Variants in DDX46 observed in about 807,000 individuals in gnomAD.
The protein encoded by DDX46 is DEAD-box helicase 46.
A neutral mutation model predicts 134.9 loss-of-function variants in DDX46; 30 were observed. That is an observed-to-expected ratio of 0.22 (90% confidence interval 0.17 to 0.30). The LOEUF (loss-of-function observed/expected upper bound fraction) is 0.30, where lower values mean the gene tolerates loss of function less well. Ranked by LOEUF, DDX46 falls within the 10% of genes least tolerant of loss-of-function variation. The pLI is 1.00. For synonymous variants in DDX46, 415 were observed against 404.1 expected (o/e 1.03, Z -0.32); for missense variants, 622 against 1,248.7 (o/e 0.50, Z 7.56).
intron 6 of DDX46, among the ~76,000 whole-genome samples, chr5:134,779,117 G>A (rs1248366034): frequency 1.1e-4 from 17 of 151,996 alleles, no homozygotes; most frequent in Non-Finnish European, 1.9e-4. Context: ...GGCTGGTCTC[G>A]AACTCCTGAC....
intron 3 of DDX46, among the ~76,000 whole-genome samples, chr5:134,768,292 A>G (rs1409915590): frequency 6.6e-6 from 1 of 151,486 alleles, no homozygotes; most frequent in Non-Finnish European, 1.5e-5. Context: ...TGTATTTTTT[A>G]GTAGAGATGG....
chr5:134,770,235 G>T (rs1448263031), intron 3 of DDX46, among the ~76,000 whole-genome samples: 2 of 146,472 alleles, frequency 1.4e-5, no homozygotes, highest in Non-Finnish European at 3.0e-5. Flanking sequence ...AAAAGAGACA[G>T]GGTCTCACTT....
chr5:134,790,883 A>G (rs190496965), intron 13 of DDX46, among the ~76,000 whole-genome samples: 1 of 152,030 alleles, frequency 6.6e-6, no homozygotes. Context: ...AGTGCAGTGG[A>G]GAACGATCAC....
rs899267488 is a variant in DDX46 at position 134,830,397 on chromosome 5, G to A, written c.*1691G>A. On this transcript the variant is annotated 3_prime_UTR_variant, in exon 23 of 23. Coordinates refer to ENST00000452510, the MANE Select transcript of DDX46 (RefSeq NM_001300860.2). ...CCATGGATTTTGGTATAGAGGAGGG[G>A]TTTAAGGGGTGTCCTGCAATCAGTC... 3.3e-5 allele frequency: 5 copies of A among 152,066 alleles called. No individual in the cohort carries two copies. Among genetic ancestry groups the A allele is most frequent in the Non-Finnish European group, 7.4e-5 (5 of 68,010 alleles). The allele number at this position is 152,066 out of a possible 1,614,324, so 9.4% of individuals were successfully genotyped here. A position where few individuals can be genotyped will look rare whatever the true frequency, so the allele number is the denominator to read the frequency against.
intron 1 of DDX46, among the ~76,000 whole-genome samples, chr5:134,760,062 G>C (rs1245288430): frequency 1.3e-5 from 2 of 152,154 alleles, no homozygotes; most frequent in Non-Finnish European, 2.9e-5. Flanking sequence ...TCTCTGAATT[G>C]ATTGTCTTCC....
chr5:134,758,815 CTGT>C lies in DDX46; in HGVS notation c.-123_-121del. Reference sequence around the variant, plus strand: ...GGCCGCGCTGGGATGGCCGCCACAGCTGTAGGTGCTGCTAGTGTTTAGCGCTGG... The same window carrying C: ...GGCCGCGCTGGGATGGCCGCCACAGCAGGTGCTGCTAGTGTTTAGCGCTGG... On this transcript the variant is annotated 5_prime_UTR_variant, in exon 1 of 23. Coordinates refer to ENST00000452510, the MANE Select transcript of DDX46 (RefSeq NM_001300860.2). The C allele has an allele frequency of 6.8e-7, 1 of 1,469,274 alleles. No individual in the cohort carries two copies. 91.0% of individuals were successfully genotyped at this position (1,469,274 alleles called of 1,614,324 possible). A position where few individuals can be genotyped will look rare whatever the true frequency, so the allele number is the denominator to read the frequency against.
At chr5:134,803,357 G>C (rs113850100) in intron 15 of DDX46, among the ~76,000 whole-genome samples, 4 of 151,968 alleles carry the variant, frequency 2.6e-5, no homozygotes, top group African/African-American at 9.6e-5. Flanking sequence ...TGAATCTGTA[G>C]CTTAGGGGTC....
chr5:134,782,996 G>T lies in DDX46; in HGVS notation c.1097G>T (p.Gly366Val), dbSNP rs771185948. Reference protein sequence around the residue: ...EMEGITVKGKGCPKPIKSWVQ... With the variant: ...EMEGITVKGKVCPKPIKSWVQ... Reference sequence around the variant, plus strand: ...GAGGGCATTACAGTTAAAGGAAAAGGTTGCCCCAAACCAATTAAATCCTGG... The same window carrying T: ...GAGGGCATTACAGTTAAAGGAAAAGTTTGCCCCAAACCAATTAAATCCTGG... The change falls in exon 9 of 23, where the codon GGT (glycine) becomes GTT (valine). Residue 366 changes from glycine (G) to valine (V), a missense_variant. By Grantham distance (109) the Gly-to-Val change is moderately radical. Transcript: ENST00000452510. 29 of 1,613,826 alleles carry T rather than the reference G, an allele frequency of 1.8e-5. No individual in the cohort carries two copies. Among genetic ancestry groups the T allele is most frequent in the Non-Finnish European group, 2.2e-5 (26 of 1,179,838 alleles).
At position 134,770,995 on chromosome 5, in the gene DDX46, C is replaced by A; in HGVS notation, c.443C>A (p.Ala148Asp). Residue 148 changes from alanine to aspartate, a missense_variant, in exon 4 of 23, where the codon GCT (alanine) becomes GAT (aspartate). Ala to Asp is a moderately radical substitution (Grantham distance 126). Coordinates refer to ENST00000452510, the MANE Select transcript of DDX46 (RefSeq NM_001300860.2). ...DDKEDEKEKD[A>D]GNFDQNKLEE... is the part of the protein sequence containing the mutation. Reference sequence around the variant, plus strand: ...AAGGAGGATGAAAAAGAAAAAGATGCTGGCGTATGTTTATTAACTTAAAAA... The same window carrying A: ...AAGGAGGATGAAAAAGAAAAAGATGATGGCGTATGTTTATTAACTTAAAAA... 2 of 1,206,652 alleles carry A rather than the reference C, an allele frequency of 1.7e-6. No homozygotes were observed. The highest frequency in any genetic ancestry group is 2.0e-5 in the Admixed American group (1 of 49,570). The allele number at this position is 1,206,652 out of a possible 1,614,324, so 74.7% of individuals were successfully genotyped here. A position where few individuals can be genotyped will look rare whatever the true frequency, so the allele number is the denominator to read the frequency against.
chr5:134,816,041 A>G (rs1320774648), intron 18 of DDX46, among the ~76,000 whole-genome samples: 9 of 151,746 alleles, frequency 5.9e-5, no homozygotes, highest in Non-Finnish European at 1.3e-4. Context: ...GTTTCATTGC[A>G]GTATAATTTG....
Position 134,758,913 on chromosome 5 carries a change from G to T in DDX46, c.-26G>T. 1 of 1,613,644 alleles carries T rather than the reference G, an allele frequency of 6.2e-7. No individual in the cohort carries two copies. ...GTTCGCCTGTGCGTGGTACTCAAGG[G>T]CACCAGTATTCCCGCGGTCGGCAGC... On this transcript the variant is annotated 5_prime_UTR_variant, in exon 1 of 23. Transcript: ENST00000452510.
intron 15 of DDX46, among the ~76,000 whole-genome samples, chr5:134,800,108 C>T (rs894424113): frequency 3.5e-4 from 53 of 152,028 alleles, no homozygotes; most frequent in Admixed American, 7.2e-4. Context: ...CCGCCATGCC[C>T]GGCTAATTTT....
At chr5:134,823,666 C>A in intron 21 of DDX46, among the ~76,000 whole-genome samples, 1 of 152,086 alleles carries the variant, frequency 6.6e-6, no homozygotes, top group Admixed American at 6.6e-5. Flanking sequence ...TGCCAATGAC[C>A]CAGTATGTTT....
intron 4 of DDX46, among the ~76,000 whole-genome samples, chr5:134,772,355 C>T (rs1753799552): frequency 6.6e-6 from 1 of 152,040 alleles, no homozygotes; most frequent in African/African-American, 2.4e-5. Flanking sequence ...AACCCTGTCT[C>T]TACTAAAAAT....
intron 1 of DDX46, among the ~76,000 whole-genome samples, chr5:134,762,975 T>G (rs1175807830): frequency 6.6e-6 from 1 of 151,570 alleles, no homozygotes; most frequent in Non-Finnish European, 1.5e-5. Context: ...AGGAGAATGG[T>G]GTGAACCCGG....
rs374815309 is a variant in DDX46, at chr5:134,779,588, G to A, written c.766-1545G>A. Among the ~76,000 whole-genome samples, 8 of 152,162 alleles carry A rather than the reference G, an allele frequency of 5.3e-5. No homozygotes were observed. In the East Asian group the frequency reaches 5.8e-4, roughly 11 times the overall value. On this transcript the variant is annotated intron_variant, in intron 6 of 22. Transcript: ENST00000452510. ...GCAGTGGCATGATCATACCTCATAC[G>A]CCTGGGCTGAAGCAATCGTTCTGCT...
intron 18 of DDX46, among the ~76,000 whole-genome samples, chr5:134,815,496 C>T (rs762002131): frequency 7.2e-5 from 11 of 151,844 alleles, no homozygotes; most frequent in South Asian, 2.1e-4. Context: ...ATCACGAGGT[C>T]AGGAGATGAG....
At chr5:134,783,589 GC>G (rs1302111074) in intron 9 of DDX46, among the ~76,000 whole-genome samples, 7 of 100,338 alleles carry the variant, frequency 7.0e-5, no homozygotes, top group African/African-American at 2.4e-4. Context: ...CACTCTCGTT[GC>G]CCAGGCTGGA....
chr5:134,825,538 C>T (rs1054051984), intron 21 of DDX46, among the ~76,000 whole-genome samples: 1 of 152,152 alleles, frequency 6.6e-6, no homozygotes, highest in South Asian at 2.1e-4. Flanking sequence ...ATAAATCTTT[C>T]CCTCATTTGT....
Sources: allele counts gnomAD v4.1 joint callset (sites outside exome capture counted in the v4.1 genomes callset), GRCh38; gene constraint gnomAD v4.1.1; transcripts MANE v1.5; gene names NCBI Gene and HGNC (gene_info 2026-07-23, HGNC 2026-07-21).